Variants in ARHGAP21 observed in about 807,000 individuals in gnomAD.
ARHGAP21 encodes the protein rho GTPase-activating protein 21.
ARHGAP21 carries 38 observed loss-of-function variants against 164.6 expected under a neutral mutation model. The ratio of observed to expected loss-of-function variants is 0.23; its 90% CI spans 0.18 to 0.30. The LOEUF (loss-of-function observed/expected upper bound fraction) is 0.30, where lower values mean the gene tolerates loss of function less well. ARHGAP21 is among the 10% of genes least tolerant of loss of function. The probability of loss-of-function intolerance (pLI) is 1.00; values close to 1 mark genes in which losing one functional copy is unlikely to be tolerated. For missense variants in ARHGAP21, 1,822 were observed against 2,370.7 expected (o/e 0.77, Z 4.81); for synonymous variants, 766 against 857.9 (o/e 0.89, Z 1.87).
chr10:24,682,575 G>A (rs890430570), intron 2 of ARHGAP21, among the ~76,000 whole-genome samples: 13 of 152,104 alleles, frequency 8.5e-5, no homozygotes, highest in African/African-American at 2.7e-4. Context: ...TGAACTAAAG[G>A]GTTGTTTAAA....
rs1845974704 is a variant in ARHGAP21, at chr10:24,721,853, T to C, written c.47A>G (p.Lys16Arg). The C allele has an allele frequency of 6.2e-7, 1 of 1,614,108 alleles. No individual in the cohort carries two copies. Among genetic ancestry groups the C allele is most frequent in the South Asian group, 1.1e-5 (1 of 91,082 alleles). The change falls in exon 2 of 26, where the codon AAG (lysine) becomes AGG (arginine). Residue 16 changes from lysine to arginine, a missense_variant. Physicochemically the swap from Lys to Arg is conservative, Grantham distance 26. Coordinates refer to ENST00000396432, the MANE Select transcript of ARHGAP21 (RefSeq NM_020824.4). The part of the protein sequence containing the change: ...RTGLSEGDGD[K>R]LKACEVSKNK... ...CGCGCTTACCTCGCAGGCCTTGAGC[T>C]TGTCACCATCTCCCTCAGACAGACC...
At chr10:24,712,795 C>A (rs949921167) in intron 2 of ARHGAP21, among the ~76,000 whole-genome samples, 1 of 152,092 alleles carries the variant, frequency 6.6e-6, no homozygotes, top group African/African-American at 2.4e-5. Flanking sequence ...CTGATATGAA[C>A]GGGGTGCCCA....
At chr10:24,686,747 T>C (rs947654382) in intron 2 of ARHGAP21, among the ~76,000 whole-genome samples, 13 of 152,210 alleles carry the variant, frequency 8.5e-5, no homozygotes, top group African/African-American at 2.7e-4. Context: ...TCACATCCAG[T>C]TGCAATATTG....
At chr10:24,707,043 C>G (rs142243213) in intron 2 of ARHGAP21, among the ~76,000 whole-genome samples, 1 of 152,144 alleles carries the variant, frequency 6.6e-6, no homozygotes, top group Non-Finnish European at 1.5e-5. Context: ...AAGGGTACTC[C>G]GTCCTTTCTT....
chr10:24,619,273 A>AT (rs1834304962), intron 9 of ARHGAP21, among the ~76,000 whole-genome samples, 200 bp downstream of exon 9: 1 of 151,654 alleles, frequency 6.6e-6, no homozygotes, highest in African/African-American at 2.4e-5. Context: ...TTTTTTTTTA[A>AT]AAAAAGGAAA....
chr10:24,607,665 G>A, intron 10 of ARHGAP21, 64 bp from the exon 11 acceptor site: 1 of 1,609,546 alleles, frequency 6.2e-7, no homozygotes, highest in Non-Finnish European at 8.5e-7. Context: ...TTTTAACGGT[G>A]GAAACATCAG....
intron 2 of ARHGAP21, among the ~76,000 whole-genome samples, chr10:24,699,718 C>A (rs1446242428): frequency 6.6e-6 from 1 of 152,194 alleles, no homozygotes; most frequent in East Asian, 1.9e-4. Context: ...TGGAGTCTCA[C>A]TCCCTGGGCC....
chr10:24,674,613 G>C (rs879835870), intron 2 of ARHGAP21, among the ~76,000 whole-genome samples: 7 of 152,048 alleles, frequency 4.6e-5, no homozygotes, highest in Non-Finnish European at 7.4e-5. Context: ...CTGAGCCCAG[G>C]AGGTTGAAGC....
chr10:24,590,940 TAAAAAAAAAAA>T (rs901265529), intron 24 of ARHGAP21: 8 of 739,584 alleles, frequency 1.1e-5, no homozygotes, highest in Non-Finnish European at 1.3e-5. Context: ...AACTGTGAAT[TAAAAAAAAAAA>T]AAAAAAAAAG....
intron 4 of ARHGAP21, among the ~76,000 whole-genome samples, chr10:24,661,445 A>C (rs1190833780): frequency 6.6e-6 from 1 of 152,208 alleles, no homozygotes; most frequent in Non-Finnish European, 1.5e-5. Flanking sequence ...GTTGATAAGA[A>C]AGAAAAAAGA....
At chr10:24,666,759 A>G (rs556319612) in intron 4 of ARHGAP21, among the ~76,000 whole-genome samples, 1 of 152,290 alleles carries the variant, frequency 6.6e-6, no homozygotes, top group East Asian at 1.9e-4. Flanking sequence ...AAAAACACAT[A>G]CAATTAACAA....
chr10:24,673,845 A>T (rs1251498920), intron 2 of ARHGAP21, among the ~76,000 whole-genome samples: 1 of 152,082 alleles, frequency 6.6e-6, no homozygotes, highest in Admixed American at 6.6e-5. Context: ...CTGGGTGCAG[A>T]GTGAGACTCT....
intron 24 of ARHGAP21, chr10:24,590,585 A>T (rs1356606096): frequency 9.0e-6 from 13 of 1,439,574 alleles, no homozygotes; most frequent in South Asian, 1.5e-5. Flanking sequence ...GTAAAACAAC[A>T]TGCTAGATTA....
chr10:24,591,375 ACTTT>A (rs2076322793), intron 23 of ARHGAP21, 45 bp from the exon 24 acceptor site: 1 of 1,497,972 alleles, frequency 6.7e-7, no homozygotes, highest in Non-Finnish European at 9.2e-7. Flanking sequence ...CTTCAAAGAT[ACTTT>A]CTTTAAAATT....
chr10:24,652,573 A>T (rs997778822), intron 4 of ARHGAP21, among the ~76,000 whole-genome samples: 1 of 152,230 alleles, frequency 6.6e-6, no homozygotes, highest in African/African-American at 2.4e-5. Context: ...TGCTAATAGT[A>T]TATCACTAAC....
chr10:24,699,520 TCAC>T (rs934834591), intron 2 of ARHGAP21, among the ~76,000 whole-genome samples: 18 of 152,066 alleles, frequency 1.2e-4, no homozygotes, highest in African/African-American at 4.1e-4. Flanking sequence ...AGATAGGGTT[TCAC>T]CATGTTGGCC....
chr10:24,612,316 C>A (rs1025793699), intron 9 of ARHGAP21, among the ~76,000 whole-genome samples: 1 of 151,796 alleles, frequency 6.6e-6, no homozygotes, highest in Non-Finnish European at 1.5e-5. Flanking sequence ...CTATATATTG[C>A]AAAAAGAGGG....
Position 24,595,150 on chromosome 10 carries a change from A to G in ARHGAP21, c.3753T>C (p.Asp1251=), listed in dbSNP as rs777140359. 1 of 1,612,278 alleles carries G rather than the reference A, an allele frequency of 6.2e-7. No homozygotes were observed. Among genetic ancestry groups the G allele is most frequent in the Non-Finnish European group, 8.5e-7 (1 of 1,179,258 alleles). The change falls in exon 20 of 26, where the codon GAT becomes GAC. Residue 1251 remains aspartate, a synonymous_variant. Transcript: ENST00000396432. ...TTAATGTTTTCAGACGATCTAGAGG[A>G]TCTTCTTTACGATTGGCTTCAATAA... ...ADFIEANRKE[D]PLDRLKTLKR... is the part of the protein sequence containing the mutation.
At chr10:24,652,169 T>A (rs1334290927) in intron 4 of ARHGAP21, among the ~76,000 whole-genome samples, 3 of 150,794 alleles carry the variant, frequency 2.0e-5, no homozygotes, top group Admixed American at 6.6e-5. Context: ...GGTCAATCCC[T>A]GGAACAGAAG....
Sources: allele counts gnomAD v4.1 joint callset (sites outside exome capture counted in the v4.1 genomes callset), GRCh38; gene constraint gnomAD v4.1.1; transcripts MANE v1.5; gene names NCBI Gene and HGNC (gene_info 2026-07-23, HGNC 2026-07-21).